Variants in SOX5 observed in about 807,000 individuals in gnomAD.
SOX5 encodes the protein SRY-box transcription factor 5, also known as transcription factor SOX-5.
Under a neutral mutation model 92.0 loss-of-function variants are expected in SOX5, and 9 were observed. That is an observed-to-expected ratio of 0.10 (90% confidence interval 0.06 to 0.17). The LOEUF (loss-of-function observed/expected upper bound fraction) is 0.17. SOX5 is among the 10% of genes least tolerant of loss of function. The probability of loss-of-function intolerance (pLI) is 1.00; values close to 1 mark genes in which losing one functional copy is unlikely to be tolerated. For missense variants in SOX5, 642 were observed against 944.5 expected (o/e 0.68, Z 4.20); for synonymous variants, 344 against 336.3 (o/e 1.02, Z -0.25).
intron 1 of SOX5, among the ~76,000 whole-genome samples, chr12:24,476,995 CAAAAAAA>C (rs11385447): frequency 3.7e-5 from 2 of 53,658 alleles, no homozygotes; most frequent in Admixed American, 2.2e-4. Context: ...AGACCCCTCT[CAAAAAAA>C]AAAAAAAAAA....
At chr12:23,981,774 A>C (rs1949588618) in intron 4 of SOX5, among the ~76,000 whole-genome samples, 1 of 152,148 alleles carries the variant, frequency 6.6e-6, no homozygotes, top group Non-Finnish European at 1.5e-5. Flanking sequence ...TTAATTAATT[A>C]ATTAACAATT....
At chr12:24,511,893 T>G (rs1403860303) in intron 1 of SOX5, among the ~76,000 whole-genome samples, 1 of 150,870 alleles carries the variant, frequency 6.6e-6, no homozygotes, top group Non-Finnish European at 1.5e-5. Context: ...GGGATGTGGA[T>G]CTTGAAGTGA....
chr12:23,695,018 G>A (rs935779465), intron 6 of SOX5, among the ~76,000 whole-genome samples: 5 of 151,824 alleles, frequency 3.3e-5, no homozygotes, highest in East Asian at 1.9e-4. Context: ...TACTTGCAAG[G>A]CTGAGGTGGG....
chr12:24,186,368 A>C (rs1045784959), intron 4 of SOX5, among the ~76,000 whole-genome samples: 2 of 152,178 alleles, frequency 1.3e-5, no homozygotes, highest in African/African-American at 2.4e-5. Flanking sequence ...CAAAGCCTTT[A>C]CACAAGCCAC....
chr12:23,768,386 A>G (rs1421922993), intron 3 of SOX5, among the ~76,000 whole-genome samples: 2 of 152,154 alleles, frequency 1.3e-5, no homozygotes, highest in African/African-American at 4.8e-5. Flanking sequence ...GGAACCTGCT[A>G]TGGCAGTTTT....
intron 1 of SOX5, among the ~76,000 whole-genome samples, chr12:23,938,743 C>A (rs1943082698): frequency 6.6e-6 from 1 of 151,050 alleles, no homozygotes; most frequent in South Asian, 2.1e-4. Flanking sequence ...ATTATGAGCA[C>A]TAAGCAGTTA....
At chr12:23,887,691 G>T (rs2097083652) in intron 2 of SOX5, among the ~76,000 whole-genome samples, 1 of 151,976 alleles carries the variant, frequency 6.6e-6, no homozygotes, top group South Asian at 2.1e-4. Context: ...TAAAGTAATT[G>T]TTTTTATCCC....
chr12:23,737,350 C>T (rs944032589), intron 5 of SOX5, among the ~76,000 whole-genome samples: 14 of 152,028 alleles, frequency 9.2e-5, no homozygotes, highest in African/African-American at 3.4e-4. Context: ...ACCAGCCTGG[C>T]CAACATAGTG....
At chr12:23,986,102 C>T (rs1286333120) in intron 4 of SOX5, among the ~76,000 whole-genome samples, 1 of 152,092 alleles carries the variant, frequency 6.6e-6, no homozygotes, top group Non-Finnish European at 1.5e-5. Context: ...AACTTTATTT[C>T]TCCCTTGTTA....
At chr12:24,378,247 A>G (rs1167695849) in intron 1 of SOX5, among the ~76,000 whole-genome samples, 1 of 152,220 alleles carries the variant, frequency 6.6e-6, no homozygotes, top group Non-Finnish European at 1.5e-5. Flanking sequence ...AATTTCATTA[A>G]TAACCGGGGT....
chr12:23,962,287 T>C (rs1947037341), intron 4 of SOX5, among the ~76,000 whole-genome samples: 1 of 150,342 alleles, frequency 6.7e-6, no homozygotes, highest in South Asian at 2.1e-4. Context: ...GACAGACTCT[T>C]AAAAGACCAG....
chr12:23,560,446 G>GTGGTTT, intron 11 of SOX5, among the ~76,000 whole-genome samples: 1 of 152,130 alleles, frequency 6.6e-6, no homozygotes, highest in Non-Finnish European at 1.5e-5. Flanking sequence ...TATATGCATA[G>GTGGTTT]ATATGTGGTT....
intron 7 of SOX5, among the ~76,000 whole-genome samples, chr12:23,663,788 A>G (rs1400378840): frequency 6.7e-6 from 1 of 149,936 alleles, no homozygotes; most frequent in Non-Finnish European, 1.5e-5. Flanking sequence ...TTAAAATTCT[A>G]TTCATAGAAT....
intron 2 of SOX5, among the ~76,000 whole-genome samples, chr12:23,886,549 T>G (rs966702079): frequency 6.6e-6 from 1 of 152,058 alleles, no homozygotes; most frequent in Non-Finnish European, 1.5e-5. Context: ...TTTTCTTTTT[T>G]GGATTCTGTC....
intron 1 of SOX5, among the ~76,000 whole-genome samples, chr12:24,453,858 A>G (rs117605645): frequency 0.011 from 1,606 of 152,334 alleles, 14 homozygotes; most frequent in Non-Finnish European, 0.017. Context: ...TTGATACTCC[A>G]TCAGCGTCTA....
intron 7 of SOX5, among the ~76,000 whole-genome samples, chr12:23,643,779 T>C (rs1410155649): frequency 1.3e-5 from 2 of 151,862 alleles, no homozygotes; most frequent in Admixed American, 6.6e-5. Flanking sequence ...TTCAGTGGAG[T>C]GGAGGTTGAG....
At chr12:23,654,987 T>A (rs1268148538) in intron 7 of SOX5, among the ~76,000 whole-genome samples, 1 of 152,070 alleles carries the variant, frequency 6.6e-6, no homozygotes, top group Non-Finnish European at 1.5e-5. Flanking sequence ...TAAAATATAT[T>A]TTTATGACGT....
chr12:23,935,632 T>C (rs1435428369), intron 1 of SOX5, among the ~76,000 whole-genome samples: 1 of 151,146 alleles, frequency 6.6e-6, no homozygotes, highest in African/African-American at 2.4e-5. Context: ...CGTAAGTGTA[T>C]ATATGCCTGG....
In SOX5 at chr12:23,895,782, G is replaced by C; in HGVS notation, c.270+11C>G. 1 of 1,583,272 alleles carries C rather than the reference G, an allele frequency of 6.3e-7. No individual in the cohort carries two copies. Among genetic ancestry groups the C allele is most frequent in the Non-Finnish European group, 8.7e-7 (1 of 1,151,948 alleles). The stretch of plus-strand genomic sequence containing the variant: ...AGTGAGTGTAGGCACAATAAACCAT[G>C]AGAAACCTACCATTGTATTGTGCTG... On this transcript the variant is annotated intron_variant, in intron 2 of 14. Coordinates refer to ENST00000451604, the MANE Select transcript of SOX5 (RefSeq NM_006940.6).
Sources: gnomAD v4.1 joint callset for allele counts (sites outside exome capture counted in the v4.1 genomes callset) on GRCh38, gnomAD v4.1.1 for gene constraint, MANE v1.5 for transcripts, NCBI Gene and HGNC (gene_info 2026-07-23, HGNC 2026-07-21) for gene names.